Variants in EFCAB13 observed in about 807,000 individuals in gnomAD.
EFCAB13 encodes the protein EF-hand calcium binding domain 13.
Under a neutral mutation model 110.2 loss-of-function variants are expected in EFCAB13, and 91 were observed. That is an observed-to-expected ratio of 0.83 (90% CI 0.70 to 0.98). The LOEUF (loss-of-function observed/expected upper bound fraction) is 0.98. Among genes scored for constraint, EFCAB13 ranks in the 50% least tolerant of loss-of-function variants. The pLI, the probability that EFCAB13 is intolerant of heterozygous loss-of-function variation, is 0.00. For synonymous variants in EFCAB13, 323 were observed against 369.9 expected, an observed-to-expected ratio of 0.87 and a Z score of 1.45; for missense variants, 968 against 1,119.4, an observed-to-expected ratio of 0.86 and a Z score of 1.93.
intron 11 of EFCAB13, among the ~76,000 whole-genome samples, chr17:47,372,258 T>C (rs1412789994): frequency 1.3e-5 from 2 of 152,178 alleles, no homozygotes; most frequent in African/African-American, 4.8e-5. Context: ...GTTTTTGATT[T>C]GTGGCTACTC....
intron 10 of EFCAB13, among the ~76,000 whole-genome samples, chr17:47,363,232 G>A (rs2065526341): frequency 1.3e-5 from 2 of 152,058 alleles, no homozygotes; most frequent in Admixed American, 6.5e-5. Context: ...CATCATGCCA[G>A]GCTAATTTTT....
chr17:47,395,686 A>G (rs2065733119), intron 16 of EFCAB13, 148 bp from the exon 17 acceptor site: 1 of 513,688 alleles, frequency 1.9e-6, no homozygotes, highest in Non-Finnish European at 3.1e-6. Context: ...TTATGTTTTC[A>G]TTTTTGAAAG....
intron 5 of EFCAB13, among the ~76,000 whole-genome samples, chr17:47,336,350 G>A (rs978727696): frequency 6.7e-6 from 1 of 149,842 alleles, no homozygotes; most frequent in Non-Finnish European, 1.5e-5. Flanking sequence ...GGAGTGTAGT[G>A]GCACGATCTT....
rs1292070506 is a variant in EFCAB13, at chr17:47,435,688, C to G, written c.2639-4743C>G. Among the ~76,000 whole-genome samples the G allele has an allele frequency of 3.4e-5, 5 of 149,052 alleles. No individual in the cohort carries two copies. In the East Asian group the frequency reaches 9.8e-4, roughly 29 times the overall value. ...TTCTTTTATCAGTTCTAGGAACCTTCAGGAGGAGTCCTTAGGGTTTTTGAG... is the reference window on the plus strand; with the variant it reads ...TTCTTTTATCAGTTCTAGGAACCTTGAGGAGGAGTCCTTAGGGTTTTTGAG... On this transcript the variant is annotated intron_variant, in intron 24 of 24. Transcript: ENST00000331493.
chr17:47,418,676 G>C (rs1229232820), intron 23 of EFCAB13, among the ~76,000 whole-genome samples: 2 of 152,120 alleles, frequency 1.3e-5, no homozygotes, highest in African/African-American at 4.8e-5. Flanking sequence ...TTTTCTTCTA[G>C]TTTTAGCTCT....
At chr17:47,335,395 C>T in intron 5 of EFCAB13, 39 bp downstream of exon 5, 5 of 1,529,112 alleles carry the variant, frequency 3.3e-6, no homozygotes, top group Non-Finnish European at 4.4e-6. Flanking sequence ...TTGAATTATA[C>T]TTTTGCAAGT....
At chr17:47,403,329 G>A (rs560207325) in intron 18 of EFCAB13, among the ~76,000 whole-genome samples, 15 of 152,122 alleles carry the variant, frequency 9.9e-5, no homozygotes, top group East Asian at 1.9e-4. Context: ...CATTTTAGAC[G>A]AGACATTAAG....
chr17:47,357,932 C>T (rs867863479), intron 9 of EFCAB13, among the ~76,000 whole-genome samples: 10 of 152,018 alleles, frequency 6.6e-5, no homozygotes, highest in African/African-American at 2.4e-4. Context: ...TATTTACTTC[C>T]CTATATTCCT....
chr17:47,406,991 G>A (rs2065808500), intron 20 of EFCAB13, among the ~76,000 whole-genome samples: 1 of 152,086 alleles, frequency 6.6e-6, no homozygotes, highest in Admixed American at 6.6e-5. Context: ...TTTAAATCAA[G>A]GGAGGTCAGC....
intron 9 of EFCAB13, among the ~76,000 whole-genome samples, chr17:47,351,414 T>G (rs1169340126): frequency 6.6e-6 from 1 of 152,098 alleles, no homozygotes; most frequent in Non-Finnish European, 1.5e-5. Flanking sequence ...GTGATAAACA[T>G]ATGAGTGTAG....
rs756304225 is a variant in EFCAB13 at position 47,335,256 on chromosome 17, T to C, written c.91T>C (p.Ser31Pro). Residue 31 changes from serine (S) to proline (P), a missense_variant, in exon 5 of 25, where the codon TCA (serine) becomes CCA (proline). Transcript: ENST00000331493. ...TAATTCTTTTGCAACTGACTTGTCA[T>C]CAGGAACTATTAACCACAAGAAATA... ...GSNSFATDLS[S>P]GTINHKKYIK... The C allele has an allele frequency of 5.0e-6, 8 of 1,611,538 alleles. No homozygotes were observed. In the South Asian group the frequency reaches 8.9e-5, roughly 18 times the overall value.
intron 4 of EFCAB13, among the ~76,000 whole-genome samples, chr17:47,330,393 T>C (rs570123410): frequency 1.1e-4 from 17 of 152,190 alleles, no homozygotes; most frequent in Non-Finnish European, 2.1e-4. Context: ...AGTCTGGGCT[T>C]TTAGTGTACC....
At chr17:47,424,874 C>CTCTTTTTTTTTTTTTTTTTTT (rs1904879736) in intron 23 of EFCAB13, among the ~76,000 whole-genome samples, 1 of 36,902 alleles carries the variant, frequency 2.7e-5, no homozygotes, top group Non-Finnish European at 5.1e-5. Context: ...GGTTGACAAT[C>CTCTTTTTTTTTTTTTTTTTTT]TTTTTTTTTT....
intron 24 of EFCAB13, among the ~76,000 whole-genome samples, chr17:47,439,301 C>T (rs11079775): frequency 0.46 from 69,284 of 151,184 alleles, 16,210 homozygotes; most frequent in Non-Finnish European, 0.49. Flanking sequence ...CTCAGCCTCC[C>T]GAGTAGCTGG....
chr17:47,357,914 G>A (rs1006548989), intron 9 of EFCAB13, among the ~76,000 whole-genome samples: 1 of 151,932 alleles, frequency 6.6e-6, no homozygotes, highest in African/African-American at 2.4e-5. Context: ...TCACAACTTA[G>A]AATAGCTTAT....
intron 4 of EFCAB13, chr17:47,328,939 G>A (rs2065303838): frequency 6.6e-6 from 1 of 152,180 alleles, no homozygotes; most frequent in Non-Finnish European, 1.5e-5. Context: ...AGAGGAGGAG[G>A]ACTATTGCAA....
chr17:47,371,688 A>G (rs1211962072), intron 11 of EFCAB13, among the ~76,000 whole-genome samples: 1 of 152,146 alleles, frequency 6.6e-6, no homozygotes, highest in Admixed American at 6.5e-5. Flanking sequence ...ATCTCAGCTC[A>G]CTGCAACCTC....
intron 23 of EFCAB13, 56 bp downstream of exon 23, chr17:47,414,975 A>G (rs58221919): frequency 0.056 from 73,735 of 1,314,360 alleles, 2,429 homozygotes; most frequent in East Asian, 0.11. Flanking sequence ...TTTAAAAATG[A>G]CATTTAAAAA....
chr17:47,421,467 A>G (rs537446768), intron 23 of EFCAB13, among the ~76,000 whole-genome samples: 1 of 151,972 alleles, frequency 6.6e-6, no homozygotes, highest in East Asian at 1.9e-4. Flanking sequence ...CCTAATCTCA[A>G]GTACCCAGGG....
Sources: gnomAD v4.1 joint callset for allele counts (sites outside exome capture counted in the v4.1 genomes callset) on GRCh38, gnomAD v4.1.1 for gene constraint, MANE v1.5 for transcripts, NCBI Gene and HGNC (gene_info 2026-07-23, HGNC 2026-07-21) for gene names.